NECTIN1: variants seen among roughly 807,000 people sequenced by gnomAD.
The protein encoded by NECTIN1 is nectin-1.
A neutral mutation model predicts 48.0 loss-of-function variants in NECTIN1; 23 were observed. The ratio of observed to expected loss-of-function variants is 0.48; its 90% CI spans 0.34 to 0.68. NECTIN1 has a LOEUF of 0.68. Among genes scored for constraint, NECTIN1 ranks in the 30% least tolerant of loss-of-function variants. NECTIN1 has a pLI of 0.01. For synonymous variants in NECTIN1, 270 were observed against 288.9 expected (o/e 0.93, Z 0.66); for missense variants, 591 against 709.9 (o/e 0.83, Z 1.90).
intron 1 of NECTIN1, among the ~76,000 whole-genome samples, chr11:119,714,467 C>T (rs1242960451): frequency 2.0e-5 from 3 of 152,110 alleles, no homozygotes; most frequent in Admixed American, 1.3e-4. Flanking sequence ...ACACCCATCC[C>T]CAAGCAGCCC....
chr11:119,713,092 C>T (rs1865682767), intron 1 of NECTIN1: 1 of 152,296 alleles, frequency 6.6e-6, no homozygotes, highest in African/African-American at 2.4e-5. Context: ...GGGGCCTGCC[C>T]TTCCAGCAGG....
intron 5 of NECTIN1, among the ~76,000 whole-genome samples, chr11:119,648,189 G>A (rs543118721): frequency 6.8e-6 from 1 of 146,332 alleles, no homozygotes; most frequent in South Asian, 2.3e-4. Flanking sequence ...GGTGATGGTG[G>A]TGGTGTGATG....
chr11:119,657,642 G>A (rs1035521321), downstream of NECTIN1, among the ~76,000 whole-genome samples: 8 of 148,068 alleles, frequency 5.4e-5, no homozygotes, highest in Non-Finnish European at 1.0e-4. Flanking sequence ...AGCCTGTTAC[G>A]GGGCTCACAC....
rs1280136651 is a variant in NECTIN1 at position 119,727,419 on chromosome 11, C to A, written c.79+1056G>T. On this transcript the variant is annotated intron_variant, in intron 1 of 5. Transcript: ENST00000264025. This position sits in a 1 kb window ranked among gnomAD's most constrained non-coding sequence, Gnocchi z 4.1. ...TCCCCAAAATCCCATCTTGCTAGAG[C>A]TGCAGGTCGTCTCTGGTTTCTACCC... Among the ~76,000 whole-genome samples, 1 of 152,124 alleles carries A rather than the reference C, an allele frequency of 6.6e-6. No individual in the cohort carries two copies. The highest frequency in any genetic ancestry group is 2.4e-5 in the African/African-American group (1 of 41,424).
downstream of NECTIN1, among the ~76,000 whole-genome samples, chr11:119,656,614 G>A (rs1197658263): frequency 6.6e-6 from 1 of 152,086 alleles, no homozygotes; most frequent in Admixed American, 6.5e-5. Context: ...GTCAGGCTGG[G>A]GGACCCTGGC....
chr11:119,664,823 T>A lies in NECTIN1; in HGVS notation c.1478A>T (p.Glu493Val). 1 of 1,613,888 alleles carries A rather than the reference T, an allele frequency of 6.2e-7. No homozygotes were observed. The highest frequency in any genetic ancestry group is 8.5e-7 in the Non-Finnish European group (1 of 1,179,892). The change falls in exon 6 of 6, where the codon GAG becomes GTG. Residue 493 changes from glutamate (E) to valine (V), a missense_variant. Physicochemically the swap from Glu to Val is moderately radical, Grantham distance 121. Transcript: ENST00000264025. The part of the protein sequence containing the change: ...DRTLGYQYDP[E>V]QLDLAENMVS... Reference sequence around the variant, plus strand: ...CATGTTCTCAGCCAAGTCCAGCTGCTCAGGGTCGTACTGGTAGCCCAGAGT... The same window carrying A: ...CATGTTCTCAGCCAAGTCCAGCTGCACAGGGTCGTACTGGTAGCCCAGAGT...
intron 1 of NECTIN1, 49 bp downstream of exon 1, chr11:119,728,426 C>G: frequency 6.6e-7 from 1 of 1,518,406 alleles, no homozygotes; most frequent in Non-Finnish European, 8.9e-7. Flanking sequence ...CTCCCAGCCC[C>G]GGGGAGGCAT....
intron 1 of NECTIN1, among the ~76,000 whole-genome samples, chr11:119,703,117 C>T (rs537601383): frequency 6.6e-6 from 1 of 152,336 alleles, no homozygotes; most frequent in East Asian, 1.9e-4. Flanking sequence ...AGGGCCTGCA[C>T]ATGGGAGGTG....
At chr11:119,647,781 G>T (rs1864417233) in intron 5 of NECTIN1, among the ~76,000 whole-genome samples, 1 of 152,156 alleles carries the variant, frequency 6.6e-6, no homozygotes, top group Non-Finnish European at 1.5e-5. Flanking sequence ...GGAGAAAAGG[G>T]ACTGGGCGCG....
At chr11:119,671,177 T>C (rs1350359308) in intron 5 of NECTIN1, among the ~76,000 whole-genome samples, 1 of 151,352 alleles carries the variant, frequency 6.6e-6, no homozygotes, top group Non-Finnish European at 1.5e-5. Context: ...GAGTGGAGCG[T>C]CCTCCCCTCC....
chr11:119,728,830 T>G lies in NECTIN1; in HGVS notation c.-277A>C. 22 of 337,442 alleles carry G rather than the reference T, an allele frequency of 6.5e-5. No individual in the cohort carries two copies. Among genetic ancestry groups the G allele is most frequent in the Non-Finnish European group, 7.5e-5 (14 of 187,372 alleles). 20.9% of individuals were successfully genotyped at this position (337,442 alleles called of 1,614,324 possible). A position where few individuals can be genotyped will look rare whatever the true frequency, so the allele number is the denominator to read the frequency against. Reference sequence around the variant, plus strand: ...TCCTCCGCTCTCCTCCCGGCGCCGGTCCCCGCCCTCTTCTTCCACGCAGAG... The same window carrying G: ...TCCTCCGCTCTCCTCCCGGCGCCGGGCCCCGCCCTCTTCTTCCACGCAGAG... On this transcript the variant is annotated 5_prime_UTR_variant, in exon 1 of 6. Transcript: ENST00000264025.
intron 1 of NECTIN1, among the ~76,000 whole-genome samples, chr11:119,704,292 G>A (rs566829100): frequency 5.9e-5 from 9 of 151,940 alleles, no homozygotes; most frequent in Non-Finnish European, 7.4e-5. Flanking sequence ...GTGCAATCTC[G>A]GCTCACTGCA....
chr11:119,691,361 TCA>T (rs1319061856), intron 1 of NECTIN1, among the ~76,000 whole-genome samples: 2 of 152,178 alleles, frequency 1.3e-5, no homozygotes, highest in Non-Finnish European at 2.9e-5. Context: ...CAGCCACAGT[TCA>T]CAGTTTTCTT....
At chr11:119,725,775 GGT>G (rs1865899325) in intron 1 of NECTIN1, among the ~76,000 whole-genome samples, 1 of 152,184 alleles carries the variant, frequency 6.6e-6, no homozygotes. Context: ...TGACACCTGG[GGT>G]GTGTGTTCTC....
At chr11:119,638,393 G>T in intron 7 of NECTIN1, 1 of 1,113,198 alleles carries the variant, frequency 9.0e-7, no homozygotes, top group Non-Finnish European at 1.3e-6. Context: ...GTCTTGGAGG[G>T]CACAAGTGCA....
intron 1 of NECTIN1, among the ~76,000 whole-genome samples, chr11:119,688,241 C>T (rs992233104): frequency 1.3e-5 from 2 of 152,136 alleles, no homozygotes; most frequent in African/African-American, 4.8e-5. Context: ...TTGCTCTTGG[C>T]GTAGTGCTTG....
intron 1 of NECTIN1, among the ~76,000 whole-genome samples, chr11:119,695,369 G>A (rs2135565981): frequency 7.3e-6 from 1 of 137,146 alleles, no homozygotes; most frequent in Non-Finnish European, 1.5e-5. Flanking sequence ...TCAACACTCA[G>A]GTCCCACACT....
downstream of NECTIN1, among the ~76,000 whole-genome samples, chr11:119,658,855 G>A (rs1864616834): frequency 6.6e-6 from 1 of 152,196 alleles, no homozygotes; most frequent in Non-Finnish European, 1.5e-5. Flanking sequence ...GGATGTGGCT[G>A]TGCTCTTGAG....
chr11:119,657,429 C>A (rs1187141804), downstream of NECTIN1, among the ~76,000 whole-genome samples: 1 of 152,024 alleles, frequency 6.6e-6, no homozygotes, highest in African/African-American at 2.4e-5. Flanking sequence ...TCCTGGCCAA[C>A]ATGGTGAAAC....
Sources: gnomAD v4.1 joint callset for allele counts (sites outside exome capture counted in the v4.1 genomes callset) on GRCh38, gnomAD v4.1.1 for gene constraint, Gnocchi (gnomAD v3.1) non-coding constraint, MANE v1.5 for transcripts, NCBI Gene and HGNC (gene_info 2026-07-23, HGNC 2026-07-21) for gene names.